SORBS2: variants seen among roughly 807,000 people sequenced by gnomAD.
SORBS2 encodes sorbin and SH3 domain-containing protein 2.
Under a neutral mutation model 97.7 loss-of-function variants are expected in SORBS2, and 46 were observed. The observed-to-expected ratio is 0.47, with a 90% confidence interval of 0.37 to 0.60. The LOEUF is 0.60. Ranked by LOEUF, SORBS2 falls within the 20% of genes least tolerant of loss-of-function variation. The pLI, the probability that SORBS2 is intolerant of heterozygous loss-of-function variation, is 0.00. For missense variants in SORBS2, 1,316 were observed against 1,282.3 expected, an observed-to-expected ratio of 1.03 and a Z score of -0.40; for synonymous variants, 476 against 473.4, an observed-to-expected ratio of 1.01 and a Z score of -0.07.
At chr4:185,620,099 A>C in exon 8 of SORBS2, 1 of 1,612,436 alleles carries the variant, frequency 6.2e-7, no homozygotes, top group Non-Finnish European at 8.5e-7. Flanking sequence ...CCCTTGGTGC[A>C]CTTCTCCCCA....
intron 2 of SORBS2, among the ~76,000 whole-genome samples, chr4:185,683,568 T>A (rs2097906223): frequency 6.6e-6 from 1 of 152,238 alleles, no homozygotes; most frequent in Non-Finnish European, 1.5e-5. Context: ...TGTTCATACG[T>A]GCATGAGCCA....
At chr4:185,677,474 T>C in intron 4 of SORBS2, 2 of 1,552,020 alleles carry the variant, frequency 1.3e-6, no homozygotes, top group Non-Finnish European at 1.7e-6. Flanking sequence ...GTCTCGAATC[T>C]TCATTGGAAT....
intron 13 of SORBS2, 200 bp downstream of exon 25, chr4:185,593,686 G>T: frequency 1.8e-6 from 1 of 544,360 alleles, no homozygotes; most frequent in Non-Finnish European, 3.3e-6. Context: ...TCTTCTCAGA[G>T]AACTATGGGT....
intron 1 of SORBS2, among the ~76,000 whole-genome samples, chr4:185,785,826 C>T (rs1253319556): frequency 6.6e-6 from 1 of 152,172 alleles, no homozygotes; most frequent in Non-Finnish European, 1.5e-5. Flanking sequence ...GGTACTTCCT[C>T]GAATTAGCTC....
intron 2 of SORBS2, among the ~76,000 whole-genome samples, chr4:185,715,796 C>A (rs1421559920): frequency 6.6e-6 from 1 of 152,048 alleles, no homozygotes; most frequent in Non-Finnish European, 1.5e-5. Flanking sequence ...AGACAGAGGT[C>A]ATAAAAAAAG....
chr4:185,637,666 GA>G (rs2097041529), intron 4 of SORBS2, among the ~76,000 whole-genome samples: 1 of 152,148 alleles, frequency 6.6e-6, no homozygotes, highest in South Asian at 2.1e-4. Context: ...AATGAAGACA[GA>G]AGCCCGCACT....
At chr4:185,862,283 C>T (rs965348828) in intron 1 of SORBS2, among the ~76,000 whole-genome samples, 2 of 152,228 alleles carry the variant, frequency 1.3e-5, no homozygotes, top group Non-Finnish European at 2.9e-5. Flanking sequence ...TGCACACAGG[C>T]AGATTCTGCA....
At chr4:185,756,813 C>T (rs1386564340) in intron 2 of SORBS2, among the ~76,000 whole-genome samples, 1 of 149,916 alleles carries the variant, frequency 6.7e-6, no homozygotes. Context: ...CCGTGGCATG[C>T]TCCTAAAACA....
intron 12 of SORBS2, among the ~76,000 whole-genome samples, chr4:185,598,089 A>T (rs2096158445): frequency 6.6e-6 from 1 of 152,218 alleles, no homozygotes; most frequent in African/African-American, 2.4e-5. Flanking sequence ...AGAACAATAT[A>T]CACTTGTGAC....
intron 2 of SORBS2, among the ~76,000 whole-genome samples, chr4:185,713,526 C>T (rs1441703849): frequency 6.6e-6 from 1 of 151,698 alleles, no homozygotes; most frequent in Non-Finnish European, 1.5e-5. Context: ...TAAGGACGTT[C>T]AGTCCACGTA....
intron 2 of SORBS2, among the ~76,000 whole-genome samples, chr4:185,758,017 G>A (rs1584271014): frequency 6.6e-6 from 1 of 152,180 alleles, no homozygotes; most frequent in Non-Finnish European, 1.5e-5. Flanking sequence ...CAGATTACAG[G>A]TGCATATATT....
At chr4:185,694,275 C>A (rs1228701027) in intron 2 of SORBS2, among the ~76,000 whole-genome samples, 2 of 152,204 alleles carry the variant, frequency 1.3e-5, no homozygotes, top group Admixed American at 1.3e-4. Context: ...TGGAAAGCAT[C>A]AAATTCCTAG....
At chr4:185,918,381 G>A (rs1282245111) in intron 1 of SORBS2, 2 of 152,184 alleles carry the variant, frequency 1.3e-5, no homozygotes, top group Admixed American at 1.3e-4. Flanking sequence ...AATTGTTTAC[G>A]AGTAATTTCT....
intron 1 of SORBS2, among the ~76,000 whole-genome samples, chr4:185,861,025 G>A (rs988465279): frequency 1.3e-5 from 2 of 152,192 alleles, no homozygotes; most frequent in Admixed American, 6.5e-5. Flanking sequence ...CAGCTTTGCT[G>A]GGCCATTTCA....
intron 1 of SORBS2, among the ~76,000 whole-genome samples, chr4:185,839,299 ATGAG>A (rs1309512925): frequency 2.6e-5 from 4 of 152,220 alleles, no homozygotes; most frequent in African/African-American, 9.7e-5. Context: ...CATGGAGAAG[ATGAG>A]TAAGATTCTA....
intron 1 of SORBS2, among the ~76,000 whole-genome samples, chr4:185,795,683 A>G (rs1019144352): frequency 2.6e-5 from 4 of 152,234 alleles, no homozygotes; most frequent in Non-Finnish European, 5.9e-5. Flanking sequence ...TTTACTTTTT[A>G]AAATGTGGCT....
At chr4:185,748,379 G>A (rs1195328921) in intron 2 of SORBS2, among the ~76,000 whole-genome samples, 1 of 152,184 alleles carries the variant, frequency 6.6e-6, no homozygotes, top group East Asian at 1.9e-4. Context: ...ATATGGTCTT[G>A]AAAATATTTT....
chr4:185,609,873 C>T (rs1245999522), intron 12 of SORBS2, among the ~76,000 whole-genome samples: 5 of 152,094 alleles, frequency 3.3e-5, no homozygotes, highest in East Asian at 1.9e-4. Flanking sequence ...TTGTCACTTC[C>T]GGGAAGTTTT....
chr4:185,714,303 G>A (rs948103981), intron 2 of SORBS2, among the ~76,000 whole-genome samples: 9 of 152,150 alleles, frequency 5.9e-5, no homozygotes, highest in African/African-American at 1.9e-4. Flanking sequence ...TCAGCTTCAC[G>A]TCATCCCATT....
Sources: allele counts gnomAD v4.1 joint callset (sites outside exome capture counted in the v4.1 genomes callset), GRCh38; gene constraint gnomAD v4.1.1; transcripts MANE v1.5; gene names NCBI Gene and HGNC (gene_info 2026-07-23, HGNC 2026-07-21).